The following TOX2 variants were observed in gnomAD, a reference collection of about 807,000 sequenced individuals.
TOX2 encodes the protein granulosa cell HMG box 1.
A neutral mutation model predicts 47.4 loss-of-function variants in TOX2; 15 were observed. The observed-to-expected ratio is 0.32, with a 90% CI of 0.21 to 0.49. The LOEUF (loss-of-function observed/expected upper bound fraction) is 0.49. Among genes scored for constraint, TOX2 ranks in the 20% least tolerant of loss-of-function variants. TOX2 has a pLI of 0.99. For missense variants in TOX2, 622 were observed against 673.1 expected, an observed-to-expected ratio of 0.92 and a Z score of 0.84; for synonymous variants, 290 against 296.6, an observed-to-expected ratio of 0.98 and a Z score of 0.23.
At chr20:43,973,061 C>T (rs2070004947) in intron 1 of TOX2, among the ~76,000 whole-genome samples, 1 of 152,262 alleles carries the variant, frequency 6.6e-6, no homozygotes, top group Non-Finnish European at 1.5e-5. Context: ...CAGCTCAGCA[C>T]ATGGCAAGGC....
intron 2 of TOX2, among the ~76,000 whole-genome samples, chr20:43,999,861 T>A (rs1455039512): frequency 6.6e-6 from 1 of 152,190 alleles, no homozygotes; most frequent in Non-Finnish European, 1.5e-5. Flanking sequence ...GGCATAAGGA[T>A]AGACATATAG....
At chr20:43,980,191 C>T (rs1201793775) in intron 2 of TOX2, among the ~76,000 whole-genome samples, 1 of 152,148 alleles carries the variant, frequency 6.6e-6, no homozygotes, top group African/African-American at 2.4e-5. Flanking sequence ...TATTATTCAG[C>T]CATACAAAGA....
chr20:43,987,912 CTTTTTTTTTTTTTT>C (rs762084312), intron 2 of TOX2, among the ~76,000 whole-genome samples: 1 of 69,980 alleles, frequency 1.4e-5, no homozygotes, highest in Non-Finnish European at 2.5e-5. Flanking sequence ...ATATCAACAT[CTTTTTTTTTTTTTT>C]TTTTTTTTTT....
At chr20:43,957,190 T>C (rs909905291) in intron 1 of TOX2, among the ~76,000 whole-genome samples, 2 of 152,254 alleles carry the variant, frequency 1.3e-5, no homozygotes, top group Non-Finnish European at 2.9e-5. Context: ...ACATGACTTT[T>C]TATGTTTAAC....
At chr20:43,934,529 G>A (rs1490884425) in intron 1 of TOX2, among the ~76,000 whole-genome samples, 1 of 152,092 alleles carries the variant, frequency 6.6e-6, no homozygotes, top group Non-Finnish European at 1.5e-5. Context: ...GGGAGGGGGT[G>A]TGTGGAAAGG....
intron 1 of TOX2, among the ~76,000 whole-genome samples, chr20:43,954,192 G>C (rs2069628719): frequency 6.6e-6 from 1 of 152,096 alleles, no homozygotes; most frequent in Non-Finnish European, 1.5e-5. Flanking sequence ...CTGCATGCGA[G>C]AGCTTCTACT....
intron 1 of TOX2, among the ~76,000 whole-genome samples, chr20:43,971,372 C>T (rs1303370982): frequency 2.0e-5 from 3 of 152,168 alleles, no homozygotes; most frequent in Admixed American, 6.5e-5. Flanking sequence ...GGCGAGGGCG[C>T]GTCGAAAATG....
chr20:44,004,248 C>T (rs1037625828), intron 2 of TOX2, among the ~76,000 whole-genome samples: 2 of 152,124 alleles, frequency 1.3e-5, no homozygotes, highest in Admixed American at 1.3e-4. Flanking sequence ...CATCGAGAGG[C>T]TCCGCCCTGG....
intron 3 of TOX2, among the ~76,000 whole-genome samples, chr20:44,018,841 G>A (rs1217173911): frequency 6.6e-6 from 1 of 152,198 alleles, no homozygotes; most frequent in Non-Finnish European, 1.5e-5. Flanking sequence ...GCTGGGGCCC[G>A]GGCTATGGTG....
intron 1 of TOX2, among the ~76,000 whole-genome samples, chr20:43,954,601 G>A (rs1298699507): frequency 6.6e-6 from 1 of 152,194 alleles, no homozygotes; most frequent in Non-Finnish European, 1.5e-5. Context: ...GTGGCTGGAG[G>A]CTCCTGGACC....
At chr20:44,030,616 A>T (rs977422226) in intron 3 of TOX2, among the ~76,000 whole-genome samples, 1 of 152,056 alleles carries the variant, frequency 6.6e-6, no homozygotes, top group East Asian at 1.9e-4. Flanking sequence ...TTACAGCCTC[A>T]CTTGGCCTTT....
At chr20:44,040,506 A>G (rs1210153442) in intron 3 of TOX2, among the ~76,000 whole-genome samples, 1 of 152,032 alleles carries the variant, frequency 6.6e-6, no homozygotes, top group African/African-American at 2.4e-5. Context: ...TACTTTGGAG[A>G]AGCTCAACTC....
At chr20:43,924,563 C>T (rs1167339255) in intron 1 of TOX2, among the ~76,000 whole-genome samples, 1 of 152,200 alleles carries the variant, frequency 6.6e-6, no homozygotes, top group African/African-American at 2.4e-5. Context: ...AACAAGAGGC[C>T]ATCTGCCCTG....
At chr20:43,991,217 C>A (rs2145547956) in intron 2 of TOX2, among the ~76,000 whole-genome samples, 1 of 152,258 alleles carries the variant, frequency 6.6e-6, no homozygotes, top group Non-Finnish European at 1.5e-5. Context: ...GGACAAGGAA[C>A]CAGGAGACCC....
intron 4 of TOX2, among the ~76,000 whole-genome samples, chr20:44,053,140 G>A (rs1038578715): frequency 1.3e-5 from 2 of 152,174 alleles, no homozygotes; most frequent in African/African-American, 4.8e-5. Context: ...CATGGCTTGA[G>A]TGACCCAACA....
intron 1 of TOX2, among the ~76,000 whole-genome samples, chr20:43,923,150 C>T (rs1257348340): frequency 6.6e-6 from 1 of 152,020 alleles, no homozygotes; most frequent in South Asian, 2.1e-4. Context: ...GGAGGGGAAA[C>T]CTGCCTGCGT....
chr20:44,038,735 C>G (rs2071280234), intron 3 of TOX2, among the ~76,000 whole-genome samples: 2 of 152,062 alleles, frequency 1.3e-5, no homozygotes. Context: ...TGGCTGCCAG[C>G]TCTGTGAATC....
chr20:43,973,972 G>C (rs113275348), intron 2 of TOX2, among the ~76,000 whole-genome samples: 5 of 152,202 alleles, frequency 3.3e-5, no homozygotes, highest in South Asian at 2.1e-4. Flanking sequence ...TCGAACCCCA[G>C]CCTGGCCCTC....
chr20:44,054,264 C>T (rs750539790), intron 4 of TOX2, 35 bp from the exon 5 acceptor site: 1 of 1,571,900 alleles, frequency 6.4e-7, no homozygotes, highest in Non-Finnish European at 8.6e-7. Context: ...GGCCCTTGGG[C>T]TTCTTTGGTT....
Sources: gnomAD v4.1 joint callset for allele counts (sites outside exome capture counted in the v4.1 genomes callset) on GRCh38, gnomAD v4.1.1 for gene constraint, MANE v1.5 for transcripts, NCBI Gene and HGNC (gene_info 2026-07-23, HGNC 2026-07-21) for gene names.